The following RUNX1 variants were observed in gnomAD, a reference collection of about 807,000 sequenced individuals.
RUNX1 encodes the protein RUNX family transcription factor 1.
In RUNX1, 19 loss-of-function variants were observed where a neutral mutation model predicts 42.8. That is an observed-to-expected ratio of 0.44 (90% confidence interval 0.31 to 0.65). The LOEUF is 0.65. RUNX1 is among the 30% of genes least tolerant of loss of function. The pLI, the probability that RUNX1 is intolerant of heterozygous loss-of-function variation, is 0.07. For missense variants in RUNX1, 528 were observed against 672.0 expected (o/e 0.79, Z 2.37); for synonymous variants, 271 against 289.4 (o/e 0.94, Z 0.64).
At chr21:34,924,618 G>A (rs373553349) in intron 2 of RUNX1, among the ~76,000 whole-genome samples, 2 of 152,212 alleles carry the variant, frequency 1.3e-5, no homozygotes, top group African/African-American at 2.4e-5. Context: ...AGTCTCCTTG[G>A]GCATGAGACC....
chr21:34,931,604 A>G (rs982948990), intron 2 of RUNX1, among the ~76,000 whole-genome samples: 1 of 120,078 alleles, frequency 8.3e-6, no homozygotes, highest in Non-Finnish European at 1.6e-5. Context: ...CTTTTATCTG[A>G]TGAGATGACT....
At chr21:34,909,294 C>T (rs547355313) in intron 2 of RUNX1, among the ~76,000 whole-genome samples, 2 of 152,244 alleles carry the variant, frequency 1.3e-5, no homozygotes, top group African/African-American at 2.4e-5. Flanking sequence ...GAGTATCAAA[C>T]CTTGCTTGAG....
chr21:34,879,727 G>C (rs1213821495), intron 5 of RUNX1, among the ~76,000 whole-genome samples: 1 of 152,020 alleles, frequency 6.6e-6, no homozygotes, highest in Non-Finnish European at 1.5e-5. Context: ...ACTACTTGTT[G>C]CTATTTATAA....
chr21:34,937,166 T>C (rs2834680), intron 2 of RUNX1, among the ~76,000 whole-genome samples: 3,606 of 152,270 alleles, frequency 0.024, 82 homozygotes, highest in Middle Eastern at 0.041. Context: ...GACTAGGTTA[T>C]CATTTATTCT....
intron 2 of RUNX1, among the ~76,000 whole-genome samples, chr21:34,916,476 G>A (rs2058313144): frequency 6.6e-6 from 1 of 152,138 alleles, no homozygotes; most frequent in Non-Finnish European, 1.5e-5. Context: ...ACCAAATACT[G>A]AGAGTTCGAT....
chr21:34,886,671 G>A (rs1415078165), intron 4 of RUNX1, among the ~76,000 whole-genome samples, 172 bp downstream of exon 4: 1 of 152,222 alleles, frequency 6.6e-6, no homozygotes, highest in Admixed American at 6.5e-5. Context: ...GCCTCCCGAG[G>A]GTCGCCACGG....
At chr21:35,040,087 T>C (rs2059346441) in intron 2 of RUNX1, among the ~76,000 whole-genome samples, 1 of 152,202 alleles carries the variant, frequency 6.6e-6, no homozygotes, top group Non-Finnish European at 1.5e-5. Flanking sequence ...TTTATACACA[T>C]ATGTGGTTTC....
intron 2 of RUNX1, among the ~76,000 whole-genome samples, chr21:34,999,999 C>T (rs1169177244): frequency 6.6e-6 from 1 of 152,066 alleles, no homozygotes; most frequent in African/African-American, 2.4e-5. Context: ...TGGAGCCACG[C>T]TTATAATATT....
intron 4 of RUNX1, among the ~76,000 whole-genome samples, chr21:34,881,063 A>G (rs2057897530): frequency 6.6e-6 from 1 of 152,228 alleles, no homozygotes; most frequent in Admixed American, 6.5e-5. Context: ...AGTAGGTCAC[A>G]TAGCACAGTT....
intron 2 of RUNX1, among the ~76,000 whole-genome samples, chr21:34,949,760 C>T (rs1020534038): frequency 2.0e-5 from 3 of 152,232 alleles, no homozygotes; most frequent in African/African-American, 7.2e-5. Context: ...CTACTCTCAT[C>T]GTTAGCCAAC....
chr21:35,048,934 C>CG lies in RUNX1; in HGVS notation c.-36dup. ...CTGAAAATGCACCCTCTTCTGAAGG[C>CG]GGGGGACTCAATGATTTCTTTTACC... On this transcript the variant is annotated 5_prime_UTR_variant, in exon 2 of 9. Coordinates refer to ENST00000675419, the MANE Select transcript of RUNX1 (RefSeq NM_001754.5). The CG allele has an allele frequency of 6.3e-7, 1 of 1,596,902 alleles. No individual in the cohort carries two copies. Among genetic ancestry groups the CG allele is most frequent in the Admixed American group, 1.7e-5 (1 of 59,992 alleles).
At chr21:34,930,584 G>A (rs1181514328) in intron 2 of RUNX1, among the ~76,000 whole-genome samples, 1 of 151,810 alleles carries the variant, frequency 6.6e-6, no homozygotes, top group East Asian at 1.9e-4. Flanking sequence ...GTAAAATTAT[G>A]GACTATTTAC....
intron 2 of RUNX1, among the ~76,000 whole-genome samples, chr21:34,935,896 C>A (rs538738413): frequency 1.3e-5 from 2 of 152,200 alleles, no homozygotes; most frequent in Admixed American, 1.3e-4. Context: ...ACTTAAAAAG[C>A]AAACATAATA....
intron 2 of RUNX1, among the ~76,000 whole-genome samples, chr21:34,940,040 G>T (rs527418898): frequency 2.6e-5 from 4 of 152,096 alleles, no homozygotes; most frequent in East Asian, 3.9e-4. Context: ...AACTTTTCTG[G>T]ATTCTTTTCC....
At chr21:34,952,456 CG>C (rs1488987784) in intron 2 of RUNX1, among the ~76,000 whole-genome samples, 2 of 151,930 alleles carry the variant, frequency 1.3e-5, no homozygotes, top group African/African-American at 2.4e-5. Flanking sequence ...TGTCATTATA[CG>C]GGGGTACCTG....
rs11702841 is a variant in RUNX1, at chr21:34,834,635, G to A, written c.614-34C>T. 1 allele frequency: 1,126,805 copies of A among 1,127,350 alleles called. 563,131 individuals carry two copies. The highest frequency in any genetic ancestry group is 1 in the Admixed American group (58,863 of 58,868). 69.8% of individuals were successfully genotyped at this position (1,127,350 alleles called of 1,614,324 possible). ...GGGAGCAGGGAGGGGAGGGGATGGG[G>A]GGAGGGAAGGAGGGAGGGAAGAGAT... On this transcript the variant is annotated intron_variant, in intron 6 of 8. Coordinates refer to ENST00000675419, the MANE Select transcript of RUNX1 (RefSeq NM_001754.5).
intron 2 of RUNX1, among the ~76,000 whole-genome samples, chr21:34,941,308 C>T (rs1234118655): frequency 6.6e-6 from 1 of 152,218 alleles, no homozygotes; most frequent in Non-Finnish European, 1.5e-5. Context: ...AGTATAGTCT[C>T]CCTCCTTTCC....
At chr21:35,023,984 T>C (rs987758422) in intron 2 of RUNX1, among the ~76,000 whole-genome samples, 2 of 150,132 alleles carry the variant, frequency 1.3e-5, no homozygotes, top group African/African-American at 4.9e-5. Flanking sequence ...TATATACTAA[T>C]TATAAATATA....
chr21:34,986,903 C>T (rs572041741), intron 2 of RUNX1, among the ~76,000 whole-genome samples: 1 of 152,296 alleles, frequency 6.6e-6, no homozygotes, highest in Admixed American at 6.5e-5. Context: ...ACACAGTCCC[C>T]TAACCTCAAC....
Sources: allele counts gnomAD v4.1 joint callset (sites outside exome capture counted in the v4.1 genomes callset), GRCh38; gene constraint gnomAD v4.1.1; transcripts MANE v1.5; gene names NCBI Gene and HGNC (gene_info 2026-07-23, HGNC 2026-07-21).